NAV2: variants seen among roughly 807,000 people sequenced by gnomAD.
The protein encoded by NAV2 is neuron navigator 2.
Under a neutral mutation model 223.2 loss-of-function variants are expected in NAV2, and 54 were observed. That is an observed-to-expected ratio of 0.24 (90% confidence interval 0.19 to 0.30). NAV2 has a LOEUF of 0.30. Ranked by LOEUF, NAV2 falls within the 10% of genes least tolerant of loss-of-function variation. The pLI is 1.00. For missense variants in NAV2, 2,806 were observed against 3,147.5 expected (o/e 0.89, Z 2.60); for synonymous variants, 1,279 against 1,239.3 (o/e 1.03, Z -0.67).
intron 1 of NAV2, among the ~76,000 whole-genome samples, chr11:19,772,993 A>T (rs141834137): frequency 4.5e-4 from 68 of 152,324 alleles, no homozygotes; most frequent in Non-Finnish European, 8.7e-4. Context: ...TTTATAGATC[A>T]TCAGTTTCTT....
Position 19,914,502 on chromosome 11 carries a change from A to G in NAV2, c.932-18674A>G, listed in dbSNP as rs561601523. On this transcript the variant is annotated intron_variant, in intron 6 of 37. Coordinates refer to ENST00000349880, the MANE Select transcript of NAV2 (RefSeq NM_145117.5). ...GCCTTGGAGGGGTTATACGATTGCA[A>G]TACAAACCGCTTAAAATTTAATATT... 8.9e-4 allele frequency among the ~76,000 whole-genome samples: 136 copies of G among 152,068 alleles called. 1 individual carries two copies. The highest frequency in any genetic ancestry group is 3.0e-3 in the African/African-American group (125 of 41,474).
At chr11:19,384,243 T>C (rs1848949966) in intron 1 of NAV2, among the ~76,000 whole-genome samples, 1 of 152,248 alleles carries the variant, frequency 6.6e-6, no homozygotes, top group Non-Finnish European at 1.5e-5. Flanking sequence ...TGTTTATCTC[T>C]ATGGAGTGGT....
chr11:20,058,302 T>G (rs1247218370), intron 19 of NAV2, among the ~76,000 whole-genome samples: 1 of 152,156 alleles, frequency 6.6e-6, no homozygotes, highest in Non-Finnish European at 1.5e-5. Context: ...TTGTGTGAGG[T>G]TTTTGTGCAA....
At chr11:19,984,554 C>T (rs1196662276) in intron 11 of NAV2, among the ~76,000 whole-genome samples, 1 of 152,120 alleles carries the variant, frequency 6.6e-6, no homozygotes, top group Non-Finnish European at 1.5e-5. Context: ...TCAGCAGGCC[C>T]TAGGGATGTG....
intron 10 of NAV2, among the ~76,000 whole-genome samples, chr11:19,983,450 C>A (rs1241389516): frequency 1.3e-5 from 2 of 152,214 alleles, no homozygotes; most frequent in Admixed American, 6.5e-5. Flanking sequence ...GTGAAATTCA[C>A]CTCATGATCG....
chr11:19,628,975 A>G (rs1280448915), intron 1 of NAV2, among the ~76,000 whole-genome samples: 5 of 152,122 alleles, frequency 3.3e-5, no homozygotes, highest in African/African-American at 1.2e-4. Flanking sequence ...CTACAGCCCT[A>G]TCTCCTATGC....
intron 1 of NAV2, among the ~76,000 whole-genome samples, chr11:19,768,834 G>A (rs999820804): frequency 2.0e-5 from 3 of 152,174 alleles, no homozygotes; most frequent in African/African-American, 7.2e-5. Context: ...AAGGTTTATT[G>A]TGAGGACTGA....
At chr11:19,427,628 G>A (rs1474573710) in intron 1 of NAV2, among the ~76,000 whole-genome samples, 3 of 152,132 alleles carry the variant, frequency 2.0e-5, no homozygotes, top group Non-Finnish European at 4.4e-5. Flanking sequence ...TTCTGGGATG[G>A]GGGTCAAGGC....
In NAV2 at chr11:19,949,226, T is replaced by G. The variant is rs1489632680; in HGVS notation, c.2645+146T>G. 3 of 927,114 alleles carry G rather than the reference T, an allele frequency of 3.2e-6. No individual in the cohort carries two copies. In the African/African-American group the frequency reaches 5.0e-5, roughly 15 times the overall value. The allele number at this position is 927,114 out of a possible 1,614,324, so 57.4% of individuals were successfully genotyped here. A position where few individuals can be genotyped will look rare whatever the true frequency, so the allele number is the denominator to read the frequency against. On this transcript the variant is annotated intron_variant, in intron 10 of 37. Transcript: ENST00000349880. ...TGTCCATATCAAAGGCTGTGTGACA[T>G]GGAGGGAAACGCTGCTCGGCTGTGA...
intron 1 of NAV2, among the ~76,000 whole-genome samples, chr11:19,464,009 A>G (rs1396764020): frequency 6.6e-6 from 1 of 152,250 alleles, no homozygotes; most frequent in Non-Finnish European, 1.5e-5. Context: ...CCAATAGGCA[A>G]GAAATGTTTC....
intron 1 of NAV2, among the ~76,000 whole-genome samples, chr11:19,811,995 G>A (rs1374756460): frequency 6.6e-6 from 1 of 152,042 alleles, no homozygotes; most frequent in African/African-American, 2.4e-5. Flanking sequence ...GTATGCATGA[G>A]GACCACCAGA....
chr11:19,705,044 T>C (rs922285781), intron 1 of NAV2, among the ~76,000 whole-genome samples: 28 of 150,892 alleles, frequency 1.9e-4, no homozygotes, highest in Non-Finnish European at 2.9e-4. Flanking sequence ...GAAATAATTT[T>C]TAAATATCAA....
intron 1 of NAV2, among the ~76,000 whole-genome samples, chr11:19,697,425 A>G (rs2049376715): frequency 6.6e-6 from 1 of 152,082 alleles, no homozygotes; most frequent in Non-Finnish European, 1.5e-5. Context: ...CCTTTAATCT[A>G]TAATAAAATT....
chr11:19,448,912 A>G (rs150043443), intron 1 of NAV2, among the ~76,000 whole-genome samples: 8 of 152,310 alleles, frequency 5.3e-5, no homozygotes, highest in African/African-American at 1.4e-4. Flanking sequence ...TCTAAGAGTG[A>G]TTGCTAAGGA....
At position 19,567,727 on chromosome 11, in the gene NAV2, C is replaced by G. The variant is rs72895895; in HGVS notation, c.75+216700C>G. 4.9e-4 allele frequency among the ~76,000 whole-genome samples: 74 copies of G among 152,270 alleles called. 1 individual carries two copies. Among genetic ancestry groups the G allele is most frequent in the Middle Eastern group, 6.8e-3 (2 of 294 alleles). On this transcript the variant is annotated intron_variant, in intron 1 of 37. Coordinates refer to the NAV2 transcript ENST00000360655. ...TCTGATAGACCACATTCTTCCTTGTCTTTAGGTCTTTCCATAGGCTATTCT... is the reference window on the plus strand; with the variant it reads ...TCTGATAGACCACATTCTTCCTTGTGTTTAGGTCTTTCCATAGGCTATTCT...
chr11:19,773,226 A>G lies in NAV2; in HGVS notation c.268-59258A>G, dbSNP rs1291811343. On this transcript the variant is annotated intron_variant, in intron 1 of 37. Transcript: ENST00000349880. ...ATTCAGAGAAGCATGGGAGGCAGACATGGGAGTGTTGAGTGATTGAACGAT... is the reference window on the plus strand; with the variant it reads ...ATTCAGAGAAGCATGGGAGGCAGACGTGGGAGTGTTGAGTGATTGAACGAT... Among the ~76,000 whole-genome samples the G allele has an allele frequency of 4.6e-5, 7 of 152,274 alleles. No individual in the cohort carries two copies. In the East Asian group the frequency reaches 1.4e-3, roughly 29 times the overall value.
intron 10 of NAV2, among the ~76,000 whole-genome samples, chr11:19,965,616 T>A (rs753097487): frequency 1.3e-5 from 2 of 152,252 alleles, no homozygotes; most frequent in Non-Finnish European, 2.9e-5. Flanking sequence ...TTCCACACAT[T>A]GGTGAGAGAG....
intron 5 of NAV2, among the ~76,000 whole-genome samples, chr11:19,884,666 G>A (rs776906425): frequency 6.6e-6 from 1 of 152,128 alleles, no homozygotes; most frequent in Non-Finnish European, 1.5e-5. Flanking sequence ...TCTGATTTAG[G>A]TAAAGGTGAG....
intron 2 of NAV2, among the ~76,000 whole-genome samples, chr11:19,833,693 C>T (rs2060074614): frequency 1.3e-5 from 2 of 152,210 alleles, no homozygotes; most frequent in African/African-American, 4.8e-5. Flanking sequence ...CATAGCTTAG[C>T]TGGGTGCCTC....
Sources: allele counts gnomAD v4.1 joint callset (sites outside exome capture counted in the v4.1 genomes callset), GRCh38; gene constraint gnomAD v4.1.1; transcripts MANE v1.5; gene names NCBI Gene and HGNC (gene_info 2026-07-23, HGNC 2026-07-21).